The following RACGAP1 variants were observed in gnomAD, a reference collection of about 807,000 sequenced individuals.
RACGAP1 encodes Rac GTPase activating protein 1.
RACGAP1 carries 30 observed loss-of-function variants against 78.1 expected under a neutral mutation model. That is an observed-to-expected ratio of 0.38 (90% CI 0.29 to 0.52). The LOEUF is 0.52. RACGAP1 is among the 20% of genes least tolerant of loss of function. RACGAP1 has a pLI of 0.82. For synonymous variants in RACGAP1, 231 were observed against 264.8 expected (o/e 0.87, Z 1.24); for missense variants, 587 against 777.1 (o/e 0.76, Z 2.91).
chr12:50,008,804 T>C (rs1229380499), intron 2 of RACGAP1, among the ~76,000 whole-genome samples: 5 of 152,164 alleles, frequency 3.3e-5, no homozygotes, highest in African/African-American at 1.2e-4. Context: ...AAAGATACTA[T>C]TTTTATGTAC....
At chr12:49,992,427 G>C (rs1947955650) in intron 13 of RACGAP1, 50 bp from the exon 14 acceptor site, 1 of 1,596,376 alleles carries the variant, frequency 6.3e-7, no homozygotes, top group Admixed American at 1.7e-5. Flanking sequence ...CTTAAATGCA[G>C]ACCAAAATAT....
At chr12:49,996,567 G>T (rs538824833) in intron 10 of RACGAP1, among the ~76,000 whole-genome samples, 7 of 144,216 alleles carry the variant, frequency 4.9e-5, no homozygotes, top group East Asian at 2.1e-4. Flanking sequence ...TTGAGCCCAG[G>T]GGGGCGGAGG....
chr12:50,025,192 G>GC, intron 1 of RACGAP1: 1 of 589,866 alleles, frequency 1.7e-6, no homozygotes, highest in Non-Finnish European at 2.1e-6. Context: ...CAAGACAGAA[G>GC]CCCCCGACCC....
Position 49,992,412 on chromosome 12 carries a change from C to G in RACGAP1, c.1446-35G>C, listed in dbSNP as rs770832913. On this transcript the variant is annotated intron_variant, in intron 13 of 16. Transcript: ENST00000312377. ...AGAATATTAAATTAGAAGTCTTGCT[C>G]CTTGCTTAAATGCAGACCAAAATAT... 3.1e-6 allele frequency: 5 copies of G among 1,606,610 alleles called. No homozygotes were observed. In the African/African-American group the frequency reaches 5.4e-5, roughly 17 times the overall value.
At chr12:49,992,473 CCAAA>C (rs1317525211) in intron 13 of RACGAP1, 73 bp downstream of exon 13, 5 of 1,586,848 alleles carry the variant, frequency 3.2e-6, no homozygotes, top group East Asian at 4.5e-5. Flanking sequence ...CCTCATACTC[CCAAA>C]CACTCAACCC....
intron 10 of RACGAP1, among the ~76,000 whole-genome samples, chr12:49,995,305 G>A (rs192858867): frequency 5.3e-5 from 8 of 152,066 alleles, no homozygotes; most frequent in Non-Finnish European, 8.8e-5. Context: ...TCGAGATTGC[G>A]CCATTGCACT....
chr12:49,996,964 G>A (rs11169243), intron 10 of RACGAP1, 76 bp downstream of exon 10: 56 of 1,384,096 alleles, frequency 4.0e-5, no homozygotes, highest in Non-Finnish European at 5.7e-6. Flanking sequence ...ATTAATTTTA[G>A]AACAAAAACT....
At chr12:50,002,072 G>GAAAAAAAAAAAAA (rs79466036) in intron 6 of RACGAP1, among the ~76,000 whole-genome samples, 175 bp downstream of exon 6, 4 of 87,216 alleles carry the variant, frequency 4.6e-5, no homozygotes, top group Non-Finnish European at 5.0e-5. Context: ...TCAAAAAAAA[G>GAAAAAAAAAAAAA]AAAAAAAAAA....
intron 4 of RACGAP1, 63 bp downstream of exon 4, chr12:50,005,193 A>G (rs1276231668): frequency 1.9e-6 from 3 of 1,594,938 alleles, no homozygotes; most frequent in Admixed American, 3.4e-5. Context: ...GAATTCAGAT[A>G]ACAAGAATAT....
Position 49,989,244 on chromosome 12 carries a change from A to C in RACGAP1, c.*1024T>G, listed in dbSNP as rs568609050. On this transcript the variant is annotated 3_prime_UTR_variant, in exon 17 of 17. Transcript: ENST00000312377. ...ACAGATAAGGGTCAATACGAAGTCA[A>C]ACATTCTACAGAAGAAAATCGTTTT... 128 of 152,374 alleles carry C rather than the reference A, an allele frequency of 8.4e-4. 1 individual carries two copies. Among genetic ancestry groups the C allele is most frequent in the Admixed American group, 8.0e-3 (122 of 15,302 alleles). 9.4% of individuals were successfully genotyped at this position (152,374 alleles called of 1,614,324 possible). A position where few individuals can be genotyped will look rare whatever the true frequency, so the allele number is the denominator to read the frequency against.
At chr12:49,997,973 A>T (rs7311489) in intron 9 of RACGAP1, among the ~76,000 whole-genome samples, 9,712 of 152,328 alleles carry the variant, frequency 0.064, 1,038 homozygotes, top group African/African-American at 0.22. Flanking sequence ...CAGTAATCCC[A>T]TAAAATAGGT....
intron 10 of RACGAP1, 106 bp downstream of exon 10, chr12:49,996,934 A>G (rs1182555256): frequency 3.7e-6 from 5 of 1,363,312 alleles, no homozygotes; most frequent in Non-Finnish European, 4.8e-6. Context: ...TTATTTGTGG[A>G]AAGAAATATA....
At chr12:50,001,574 C>T (rs991014950) in intron 6 of RACGAP1, among the ~76,000 whole-genome samples, 1 of 152,058 alleles carries the variant, frequency 6.6e-6, no homozygotes. Context: ...CATTAAGTAC[C>T]CTAAACAAGC....
intron 12 of RACGAP1, among the ~76,000 whole-genome samples, chr12:49,993,013 G>A (rs1390552770): frequency 6.6e-6 from 1 of 152,148 alleles, no homozygotes; most frequent in Non-Finnish European, 1.5e-5. Context: ...TAAAGCAGAA[G>A]TAAACAAAGC....
In RACGAP1 at chr12:50,000,172, C is replaced by T. The variant is rs548319865; in HGVS notation, c.631-439G>A. Among the ~76,000 whole-genome samples, 60 of 152,150 alleles carry T rather than the reference C, an allele frequency of 3.9e-4. 1 individual carries two copies. Among genetic ancestry groups the T allele is most frequent in the Middle Eastern group, 3.4e-3 (1 of 294 alleles). Reference sequence around the variant, plus strand: ...GGGACTACAGGCGTCTGCCACCATGCCCAGCTAATTTTTTGTATTTTTAGT... The same window carrying T: ...GGGACTACAGGCGTCTGCCACCATGTCCAGCTAATTTTTTGTATTTTTAGT... On this transcript the variant is annotated intron_variant, in intron 7 of 16. Coordinates refer to ENST00000312377, the MANE Select transcript of RACGAP1 (RefSeq NM_001319999.2).
intron 1 of RACGAP1, among the ~76,000 whole-genome samples, chr12:50,017,287 A>G (rs1017335084): frequency 6.6e-6 from 1 of 152,222 alleles, no homozygotes; most frequent in South Asian, 2.1e-4. Context: ...TTTCTGTAAT[A>G]CAGGGCTCTC....
At chr12:49,992,697 C>T in intron 12 of RACGAP1, 42 bp from the exon 13 acceptor site, 1 of 1,507,436 alleles carries the variant, frequency 6.6e-7, no homozygotes, top group South Asian at 1.2e-5. Context: ...AGACTTCTTT[C>T]CCTTGACAGC....
rs1175398273 is a variant in RACGAP1, at chr12:49,989,644, C to A, written c.*624G>T. The A allele has an allele frequency of 3.3e-5, 5 of 152,226 alleles. No individual in the cohort carries two copies. Among genetic ancestry groups the A allele is most frequent in the Non-Finnish European group, 7.3e-5 (5 of 68,050 alleles). 9.4% of individuals were successfully genotyped at this position (152,226 alleles called of 1,614,324 possible). ...ACATTTACAAGGTTGTGCCACTCAA[C>A]ACTATTAAAGACCTAATCATCCAAA... On this transcript the variant is annotated 3_prime_UTR_variant, in exon 17 of 17. Transcript: ENST00000312377.
chr12:50,025,766 T>TGTC (rs1950252833), upstream of RACGAP1, among the ~76,000 whole-genome samples: 1 of 152,196 alleles, frequency 6.6e-6, no homozygotes, highest in Non-Finnish European at 1.5e-5. Context: ...TTGGTCTCAC[T>TGTC]GTCTGCGGGA....
Sources: allele counts gnomAD v4.1 joint callset (sites outside exome capture counted in the v4.1 genomes callset), GRCh38; gene constraint gnomAD v4.1.1; transcripts MANE v1.5; gene names NCBI Gene and HGNC (gene_info 2026-07-23, HGNC 2026-07-21).